Variants in TTLL5 observed in about 807,000 individuals in gnomAD.
TTLL5 encodes tubulin polyglutamylase TTLL5.
Under a neutral mutation model 168.4 loss-of-function variants are expected in TTLL5, and 132 were observed. The ratio of observed to expected loss-of-function variants is 0.78; its 90% CI spans 0.68 to 0.91. TTLL5 has a LOEUF of 0.91. TTLL5 is among the 40% of genes least tolerant of loss of function. TTLL5 has a pLI of 0.00. For missense variants in TTLL5, 1,545 were observed against 1,581.5 expected, an observed-to-expected ratio of 0.98 and a Z score of 0.39; for synonymous variants, 546 against 558.6, an observed-to-expected ratio of 0.98 and a Z score of 0.32.
intron 29 of TTLL5, among the ~76,000 whole-genome samples, chr14:75,878,004 A>G (rs369326638): frequency 4.5e-4 from 69 of 152,326 alleles, no homozygotes; most frequent in African/African-American, 1.6e-3. Flanking sequence ...TGTCTACATT[A>G]CCGACTCTTT....
intron 8 of TTLL5, 24 bp from the exon 9 acceptor site, chr14:75,707,598 GT>G: frequency 6.3e-7 from 1 of 1,581,824 alleles, no homozygotes; most frequent in East Asian, 2.3e-5. Context: ...GTTTTTTTTT[GT>G]GAATACAAAC....
At chr14:75,818,754 C>T (rs1198795042) in intron 27 of TTLL5, among the ~76,000 whole-genome samples, 1 of 151,888 alleles carries the variant, frequency 6.6e-6, no homozygotes, top group African/African-American at 2.4e-5. Flanking sequence ...CCGCCTCAGC[C>T]TCCCAAAGTG....
At chr14:75,903,916 A>T (rs1438094114) in intron 31 of TTLL5, among the ~76,000 whole-genome samples, 1 of 150,892 alleles carries the variant, frequency 6.6e-6, no homozygotes, top group African/African-American at 2.5e-5. Flanking sequence ...AAAAAAAAAA[A>T]GCCAGTTACT....
At chr14:75,880,724 T>G (rs1482884629) in intron 29 of TTLL5, among the ~76,000 whole-genome samples, 1 of 152,168 alleles carries the variant, frequency 6.6e-6, no homozygotes, top group Non-Finnish European at 1.5e-5. Flanking sequence ...AAGAAAGGGT[T>G]TGTTGTAGAC....
At chr14:75,939,332 A>C (rs769769036) in intron 31 of TTLL5, among the ~76,000 whole-genome samples, 1 of 152,232 alleles carries the variant, frequency 6.6e-6, no homozygotes, top group Non-Finnish European at 1.5e-5. Context: ...ATGCATTGCA[A>C]TCAGAAAAAA....
chr14:75,832,399 T>C (rs567728118), intron 28 of TTLL5, among the ~76,000 whole-genome samples: 1 of 152,182 alleles, frequency 6.6e-6, no homozygotes, highest in Non-Finnish European at 1.5e-5. Context: ...ACTCTCGGAG[T>C]TTAGTGTATG....
intron 30 of TTLL5, among the ~76,000 whole-genome samples, chr14:75,886,382 A>G (rs964100989): frequency 1.3e-5 from 2 of 152,176 alleles, no homozygotes; most frequent in African/African-American, 4.8e-5. Flanking sequence ...TCATTTTACC[A>G]TCTGTAAAAC....
chr14:75,709,155 T>A (rs1386623860), intron 9 of TTLL5: 1 of 757,062 alleles, frequency 1.3e-6, no homozygotes, highest in South Asian at 1.4e-5. Context: ...AAAAGCCTGG[T>A]CTGTGTATGT....
intron 17 of TTLL5, among the ~76,000 whole-genome samples, chr14:75,746,484 C>A (rs1384756327): frequency 6.6e-6 from 1 of 151,168 alleles, no homozygotes; most frequent in African/African-American, 2.4e-5. Context: ...CTTTGTTCTT[C>A]TATGCATAAT....
intron 31 of TTLL5, among the ~76,000 whole-genome samples, chr14:75,926,156 C>CTTTTTTTTTTTTTTTTT (rs34048806): frequency 3.3e-5 from 1 of 29,960 alleles, no homozygotes. Context: ...GCAACCCCAG[C>CTTTTTTTTTTTTTTTTT]TTTTTTTTTT....
intron 31 of TTLL5, among the ~76,000 whole-genome samples, chr14:75,943,871 A>G (rs1052255112): frequency 2.6e-5 from 4 of 152,144 alleles, no homozygotes; most frequent in African/African-American, 9.7e-5. Flanking sequence ...GAACTAAGTA[A>G]CTCTTTTGGA....
intron 17 of TTLL5, among the ~76,000 whole-genome samples, chr14:75,747,969 C>T (rs1889712990): frequency 6.6e-6 from 1 of 152,228 alleles, no homozygotes; most frequent in South Asian, 2.1e-4. Context: ...ATTCTAGCTA[C>T]TCCCTAGAAA....
intron 6 of TTLL5, among the ~76,000 whole-genome samples, chr14:75,691,743 T>G (rs75418682): frequency 0.045 from 6,852 of 152,298 alleles, 257 homozygotes; most frequent in African/African-American, 0.1. Context: ...CCAAGAAAGA[T>G]ACTATTTCTG....
chr14:75,927,890 A>G (rs571539657), intron 31 of TTLL5, among the ~76,000 whole-genome samples: 1 of 152,312 alleles, frequency 6.6e-6, no homozygotes, highest in East Asian at 1.9e-4. Flanking sequence ...GAATGGGGCT[A>G]GCTGTGCCAC....
At chr14:75,757,812 G>A (rs1333320778) in intron 18 of TTLL5, 1 of 1,587,546 alleles carries the variant, frequency 6.3e-7, no homozygotes, top group East Asian at 2.2e-5. Context: ...TAACCCGGTT[G>A]TCCTTTCTGC....
At chr14:75,889,397 T>C (rs924347469) in intron 30 of TTLL5, among the ~76,000 whole-genome samples, 2 of 152,194 alleles carry the variant, frequency 1.3e-5, no homozygotes, top group African/African-American at 4.8e-5. Flanking sequence ...TAAGATTAAA[T>C]CAATAGATAC....
At chr14:75,827,725 T>C (rs1366671005) in intron 28 of TTLL5, among the ~76,000 whole-genome samples, 20 of 135,434 alleles carry the variant, frequency 1.5e-4, no homozygotes, top group Non-Finnish European at 2.7e-4. Context: ...TTTTTTTTTT[T>C]TTTTTTTTTT....
chr14:75,941,078 A>C (rs899811701), intron 31 of TTLL5, among the ~76,000 whole-genome samples: 1 of 152,212 alleles, frequency 6.6e-6, no homozygotes, highest in African/African-American at 2.4e-5. Context: ...TGCATTACTC[A>C]TGAGAAATTA....
intron 29 of TTLL5, among the ~76,000 whole-genome samples, chr14:75,870,878 T>G (rs998824701): frequency 6.6e-6 from 1 of 150,454 alleles, no homozygotes; most frequent in Middle Eastern, 3.4e-3. Flanking sequence ...CACTGCAAGC[T>G]CCGCCTCCCA....
Sources: allele counts gnomAD v4.1 joint callset (sites outside exome capture counted in the v4.1 genomes callset), GRCh38; gene constraint gnomAD v4.1.1; transcripts MANE v1.5; gene names NCBI Gene and HGNC (gene_info 2026-07-23, HGNC 2026-07-21).